SDR42E2: variants seen among roughly 807,000 people sequenced by gnomAD.
SDR42E2 encodes putative short-chain dehydrogenase/reductase family 42E member 2.
SDR42E2 carries 20 observed loss-of-function variants against 10.5 expected under a neutral mutation model. The observed-to-expected ratio is 1.90, with a 90% CI of 1.34 to 2.77. The LOEUF is 2.77. Ranked by LOEUF, SDR42E2 falls within the 30% of genes most tolerant of loss-of-function variation. The probability of loss-of-function intolerance (pLI) is 0.00; values close to 1 mark genes in which losing one functional copy is unlikely to be tolerated. For synonymous variants in SDR42E2, 72 were observed against 39.2 expected, an observed-to-expected ratio of 1.84 and a Z score of -3.12; for missense variants, 162 against 104.2, an observed-to-expected ratio of 1.55 and a Z score of -2.42.
chr16:22,168,642 G>A (rs1173581544), intron 4 of SDR42E2, among the ~76,000 whole-genome samples: 1 of 152,082 alleles, frequency 6.6e-6, no homozygotes, highest in Non-Finnish European at 1.5e-5. Context: ...AGAGGCCAAG[G>A]CAGGTGGATC....
chr16:22,185,709 G>A lies in SDR42E2; in HGVS notation c.941-1012G>A, dbSNP rs150957797. ...TGCAGACTCAACCTCCTGGGCTCAA[G>A]CAATTCTCTGCCTCAGCCTCTCAAG... On this transcript the variant is annotated intron_variant, in intron 11 of 12. Transcript: ENST00000602312. Among the ~76,000 whole-genome samples the A allele has an allele frequency of 2.6e-4, 40 of 152,190 alleles. No homozygotes were observed. The East Asian group carries it at 6.0e-3, about 23-fold the overall frequency.
At chr16:22,178,058 G>A (rs2046659858) in intron 7 of SDR42E2, 72 bp from the exon 8 acceptor site, 7 of 673,940 alleles carry the variant, frequency 1.0e-5, no homozygotes, top group Non-Finnish European at 1.6e-5. Context: ...AACAGATGGA[G>A]GTGGCCTCTC....
intron 5 of SDR42E2, among the ~76,000 whole-genome samples, chr16:22,170,311 G>T (rs975302520): frequency 6.6e-6 from 1 of 152,102 alleles, no homozygotes; most frequent in African/African-American, 2.4e-5. Context: ...CCGAGATCGC[G>T]CCATTGCACT....
chr16:22,164,401 A>G (rs1175430818), intron 1 of SDR42E2, among the ~76,000 whole-genome samples: 1 of 152,202 alleles, frequency 6.6e-6, no homozygotes, highest in African/African-American at 2.4e-5. Flanking sequence ...TCTACTAAAA[A>G]TGCAAAAATT....
At chr16:22,178,097 C>A in intron 7 of SDR42E2, 33 bp from the exon 8 acceptor site, 1 of 699,566 alleles carries the variant, frequency 1.4e-6, no homozygotes, top group Non-Finnish European at 2.6e-6. Context: ...CTGCTCCTCC[C>A]CTGACCCCTG....
chr16:22,182,967 T>A (rs143159108), intron 10 of SDR42E2, among the ~76,000 whole-genome samples: 268 of 152,134 alleles, frequency 1.8e-3, no homozygotes, highest in African/African-American at 5.6e-3. Flanking sequence ...ATTGCACCAC[T>A]GCACTCCAGC....
intron 11 of SDR42E2, among the ~76,000 whole-genome samples, chr16:22,184,559 G>A (rs537538842): frequency 1.4e-3 from 210 of 152,228 alleles, no homozygotes; most frequent in Non-Finnish European, 1.5e-3. Flanking sequence ...CCGAGATCCC[G>A]CCACTGCACT....
Position 22,190,290 on chromosome 16 carries a change from T to G in SDR42E2, c.1166T>G (p.Leu389Arg), listed in dbSNP as rs1481154300. The G allele has an allele frequency of 2.5e-6, 1 of 401,872 alleles. No individual in the cohort carries two copies. The highest frequency in any genetic ancestry group is 3.6e-5 in the East Asian group (1 of 28,096). 24.9% of individuals were successfully genotyped at this position (401,872 alleles called of 1,614,324 possible). The change falls in exon 13 of 13, where the codon CTC becomes CGC. Residue 389 changes from leucine to arginine, a missense_variant. Transcript: ENST00000602312. ...RRPRGSTART[L>R]LRLLLRLLLF... ...CCCCGCGGCTCCACGGCGCGGACCC[T>G]CCTGCGCCTGCTGCTCAGGCTGCTG...
chr16:22,174,033 C>A (rs1384720592), intron 7 of SDR42E2, among the ~76,000 whole-genome samples: 1 of 150,676 alleles, frequency 6.6e-6, no homozygotes, highest in Non-Finnish European at 1.5e-5. Context: ...GAGTCGGAGG[C>A]TTAAAAATTA....
chr16:22,190,158 C>A lies in SDR42E2; in HGVS notation c.1034C>A (p.Thr345Lys), dbSNP rs2046762071. ...TRSEVRSVAV[T>K]HTFQIAKARA... The stretch of plus-strand genomic sequence containing the variant: ...CCGCAGGTGCGCAGCGTGGCCGTGA[C>A]GCACACCTTCCAGATAGCCAAGGCC... Residue 345 changes from threonine to lysine, a missense_variant, in exon 13 of 13, where the codon ACG (threonine) becomes AAG (lysine). Coordinates refer to ENST00000602312, the MANE Select transcript of SDR42E2 (RefSeq NM_001394319.2). 2.5e-6 allele frequency: 1 copy of A among 401,216 alleles called. No individual in the cohort carries two copies. The highest frequency in any genetic ancestry group is 3.6e-5 in the East Asian group (1 of 28,066). The allele number at this position is 401,216 out of a possible 1,614,324, so 24.9% of individuals were successfully genotyped here.
chr16:22,181,631 T>C lies in SDR42E2; in HGVS notation c.785T>C (p.Leu262Pro). The C allele has an allele frequency of 1.4e-6, 1 of 702,978 alleles. No individual in the cohort carries two copies. Among genetic ancestry groups the C allele is most frequent in the East Asian group, 2.7e-5 (1 of 37,286 alleles). 43.5% of individuals were successfully genotyped at this position (702,978 alleles called of 1,614,324 possible). A position where few individuals can be genotyped will look rare whatever the true frequency, so the allele number is the denominator to read the frequency against. ...VQAHVLAAEA[L>P]TTAKGYVASG... ...GCACACGTGCTGGCGGCCGAGGCCC[T>C]CACCACGGCCAAGGGCTACGTGGCT... is the stretch of plus-strand genomic sequence containing the variant. The change falls in exon 9 of 13, where the codon CTC becomes CCC. Residue 262 changes from leucine to proline, a missense_variant. By Grantham distance (98) the Leu-to-Pro change is moderately conservative. Coordinates refer to ENST00000602312, the MANE Select transcript of SDR42E2 (RefSeq NM_001394319.2).
intron 8 of SDR42E2, among the ~76,000 whole-genome samples, chr16:22,178,542 G>A (rs2046665356): frequency 6.6e-6 from 1 of 152,200 alleles, no homozygotes; most frequent in Non-Finnish European, 1.5e-5. Context: ...ATTCCATGCT[G>A]AGAGCACAAG....
At chr16:22,185,751 C>T (rs1168325798) in intron 11 of SDR42E2, among the ~76,000 whole-genome samples, 1 of 152,028 alleles carries the variant, frequency 6.6e-6, no homozygotes, top group Non-Finnish European at 1.5e-5. Flanking sequence ...GGACTACAGG[C>T]TCCTACCACC....
At position 22,169,310 on chromosome 16, in the gene SDR42E2, G is replaced by T. The variant is rs193065043; in HGVS notation, c.337-135G>T. On this transcript the variant is annotated intron_variant, in intron 4 of 12. Coordinates refer to ENST00000602312, the MANE Select transcript of SDR42E2 (RefSeq NM_001394319.2). ...GGCAGAGCCAGGCACCCACACTCCA[G>T]GTGGGCCTTCGGGATCCCTGCCTCT... 5 of 656,626 alleles carry T rather than the reference G, an allele frequency of 7.6e-6. No individual in the cohort carries two copies. The Admixed American group carries it at 1.0e-4, about 14-fold the overall frequency. 40.7% of individuals were successfully genotyped at this position (656,626 alleles called of 1,614,324 possible). A position where few individuals can be genotyped will look rare whatever the true frequency, so the allele number is the denominator to read the frequency against.
chr16:22,165,430 GGGAACTCAGAGAATTTC>G (rs2046526583), intron 1 of SDR42E2, among the ~76,000 whole-genome samples, 100 bp from the exon 2 acceptor site: 1 of 152,158 alleles, frequency 6.6e-6, no homozygotes, highest in African/African-American at 2.4e-5. Context: ...CAGGTTCCCT[GGGAACTCAGAGAATTTC>G]TAATTTCCAC....
chr16:22,173,160 C>T (rs1022935454), intron 7 of SDR42E2, among the ~76,000 whole-genome samples: 2 of 152,126 alleles, frequency 1.3e-5, no homozygotes. Flanking sequence ...CTTGAGTGCA[C>T]ACTACATGCC....
chr16:22,171,517 C>T (rs2046600822), intron 6 of SDR42E2, among the ~76,000 whole-genome samples: 3 of 151,764 alleles, frequency 2.0e-5, no homozygotes, highest in Admixed American at 6.6e-5. Context: ...GGATTACAGG[C>T]GTGTTGTTTG....
chr16:22,180,179 C>G (rs1385000466), intron 8 of SDR42E2, among the ~76,000 whole-genome samples: 1 of 152,092 alleles, frequency 6.6e-6, no homozygotes, highest in Non-Finnish European at 1.5e-5. Flanking sequence ...TCCAGCCTAG[C>G]AGGATGGGAG....
At chr16:22,164,009 G>A (rs1332097473) in intron 1 of SDR42E2, among the ~76,000 whole-genome samples, 1 of 146,550 alleles carries the variant, frequency 6.8e-6, no homozygotes, top group Non-Finnish European at 1.5e-5. Flanking sequence ...TGTTGTTACG[G>A]TTAATGATCA....
Sources: gnomAD v4.1 joint callset for allele counts (sites outside exome capture counted in the v4.1 genomes callset) on GRCh38, gnomAD v4.1.1 for gene constraint, MANE v1.5 for transcripts, NCBI Gene and HGNC (gene_info 2026-07-23, HGNC 2026-07-21) for gene names.